Variants in CEP135 observed in about 807,000 individuals in gnomAD.
CEP135 encodes centrosomal protein of 135 kDa.
A neutral mutation model predicts 157.3 loss-of-function variants in CEP135; 142 were observed. The ratio of observed to expected loss-of-function variants is 0.90; its 90% confidence interval spans 0.79 to 1.04. The LOEUF is 1.04. CEP135 is among the 50% of genes least tolerant of loss of function. CEP135 has a pLI of 0.00. For missense variants in CEP135, 1,317 were observed against 1,309.2 expected (o/e 1.01, Z -0.09); for synonymous variants, 396 against 439.8 (o/e 0.90, Z 1.25).
chr4:56,000,925 A>G (rs1730146358), intron 17 of CEP135, among the ~76,000 whole-genome samples: 1 of 152,112 alleles, frequency 6.6e-6, no homozygotes, highest in South Asian at 2.1e-4. Flanking sequence ...GTTATTCCCC[A>G]TCTTTTTGAT....
intron 25 of CEP135, among the ~76,000 whole-genome samples, chr4:56,028,906 C>T (rs1474450304): frequency 1.3e-5 from 2 of 152,090 alleles, no homozygotes; most frequent in African/African-American, 2.4e-5. Flanking sequence ...GATCAAGAGC[C>T]CAATCCCACA....
intron 9 of CEP135, among the ~76,000 whole-genome samples, chr4:55,969,356 G>A (rs1455014509): frequency 2.0e-5 from 3 of 150,936 alleles, no homozygotes; most frequent in African/African-American, 7.3e-5. Context: ...GAACCTGGGA[G>A]GCAGAGGTTG....
intron 6 of CEP135, chr4:55,960,839 T>C (rs1728654747): frequency 7.2e-6 from 1 of 138,078 alleles, no homozygotes; most frequent in African/African-American, 2.7e-5. Flanking sequence ...GGCAGGAGAA[T>C]GGCGTGAACC....
chr4:55,952,978 T>A, intron 2 of CEP135, 107 bp from the exon 3 acceptor site: 1 of 948,200 alleles, frequency 1.1e-6, no homozygotes, highest in Non-Finnish European at 1.5e-6. Context: ...GACCAAAATG[T>A]CATCATGTGG....
chr4:55,965,979 T>G (rs1728832234), intron 8 of CEP135, 120 bp downstream of exon 8: 2 of 803,368 alleles, frequency 2.5e-6, no homozygotes. Flanking sequence ...TCTGTTTTTG[T>G]TTTTTTGCTT....
At chr4:55,983,524 T>A (rs1224002477) in intron 13 of CEP135, among the ~76,000 whole-genome samples, 2 of 152,186 alleles carry the variant, frequency 1.3e-5, no homozygotes, top group Non-Finnish European at 1.5e-5. Context: ...ATCAGTGCTA[T>A]CTCTTGAAAA....
At chr4:55,999,244 A>T in intron 15 of CEP135, 58 bp from the exon 16 acceptor site, 1 of 1,296,320 alleles carries the variant, frequency 7.7e-7, no homozygotes, top group Non-Finnish European at 1.1e-6. Context: ...CTCATTTTTT[A>T]AACGTATTTC....
chr4:56,027,141 G>A (rs949401362), intron 25 of CEP135, among the ~76,000 whole-genome samples: 2 of 152,130 alleles, frequency 1.3e-5, no homozygotes, highest in African/African-American at 4.8e-5. Flanking sequence ...TGTAGTCACT[G>A]TGTCCTTCTT....
At position 55,952,231 on chromosome 4, in the gene CEP135, A is replaced by G; in HGVS notation, c.101A>G (p.Glu34Gly). The change falls in exon 2 of 26, where the codon GAA becomes GGA. Residue 34 changes from glutamate to glycine, a missense_variant. Physicochemically the swap from Glu to Gly is moderately conservative, Grantham distance 98. Transcript: ENST00000257287. ...ACAGTGGAGTGTTTACCTTTGGTAGAAAAACTTTTCAGGTAAAGACAAAAA... is the reference window on the plus strand; with the variant it reads ...ACAGTGGAGTGTTTACCTTTGGTAGGAAAACTTTTCAGGTAAAGACAAAAA... ...TLTVECLPLV[E>G]KLFSDLVHTT... 1 of 1,607,978 alleles carries G rather than the reference A, an allele frequency of 6.2e-7. No individual in the cohort carries two copies. The highest frequency in any genetic ancestry group is 1.1e-5 in the South Asian group (1 of 90,868).
chr4:55,964,133 A>G, intron 6 of CEP135, 141 bp from the exon 7 acceptor site: 1 of 679,274 alleles, frequency 1.5e-6, no homozygotes, highest in East Asian at 2.9e-5. Flanking sequence ...TTATGCATAT[A>G]ATATATGGAC....
intron 6 of CEP135, 166 bp downstream of exon 6, chr4:55,959,932 T>C: frequency 1.5e-6 from 1 of 654,548 alleles, no homozygotes. Context: ...TTAGGTGGCT[T>C]TACTTACTTA....
intron 24 of CEP135, 132 bp from the exon 25 acceptor site, chr4:56,024,369 C>A: frequency 1.8e-6 from 1 of 558,412 alleles, no homozygotes. Flanking sequence ...TGTACAAAGA[C>A]ATAGGATTTA....
intron 2 of CEP135, 56 bp from the exon 3 acceptor site, chr4:55,953,029 A>C: frequency 7.3e-7 from 1 of 1,363,268 alleles, no homozygotes; most frequent in Non-Finnish European, 9.8e-7. Flanking sequence ...ATATGTTTTT[A>C]GTTATTAGAA....
At position 55,999,491 on chromosome 4, in the gene CEP135, A is replaced by G; in HGVS notation, c.2126A>G (p.Asp709Gly). The G allele has an allele frequency of 3.1e-6, 5 of 1,612,416 alleles. No individual in the cohort carries two copies. Among genetic ancestry groups the G allele is most frequent in the Admixed American group, 1.7e-5 (1 of 59,552 alleles). Residue 709 changes from aspartate to glycine, a missense_variant and splice_region_variant, in exon 17 of 26, where the codon GAT becomes GGT. Physicochemically the swap from Asp to Gly is moderately conservative, Grantham distance 94. Coordinates refer to ENST00000257287, the MANE Select transcript of CEP135 (RefSeq NM_025009.5). Reference sequence around the variant, plus strand: ...AACAAACATTTCTTTTCATTTGTAGATGAACTAAACCTTAAGATGACTTCA... The same window carrying G: ...AACAAACATTTCTTTTCATTTGTAGGTGAACTAAACCTTAAGATGACTTCA... ...AQIKILEEKI[D>G]ELNLKMTSQD... is the part of the protein sequence containing the mutation.
intron 17 of CEP135, among the ~76,000 whole-genome samples, 191 bp downstream of exon 17, chr4:55,999,836 A>G (rs1016880804): frequency 7.2e-5 from 11 of 152,152 alleles, no homozygotes; most frequent in African/African-American, 2.4e-4. Flanking sequence ...GGCATGAGCC[A>G]CTACTCCTAG....
At chr4:55,957,077 A>T (rs909950914) in intron 4 of CEP135, 146 bp from the exon 5 acceptor site, 8 of 788,202 alleles carry the variant, frequency 1.0e-5, no homozygotes, top group Non-Finnish European at 1.6e-5. Context: ...CAGGGTGGAT[A>T]TTTATATATT....
chr4:55,973,708 A>G (rs1729099815), intron 10 of CEP135, among the ~76,000 whole-genome samples: 1 of 151,716 alleles, frequency 6.6e-6, no homozygotes, highest in African/African-American at 2.4e-5. Context: ...CTATGCAGCC[A>G]CTCGTTTCTT....
In CEP135 at chr4:56,032,298, A is replaced by T. The variant is rs910350885; in HGVS notation, c.*950A>T. 3.3e-5 allele frequency: 5 copies of T among 152,116 alleles called. No homozygotes were observed. The highest frequency in any genetic ancestry group is 5.9e-5 in the Non-Finnish European group (4 of 68,050). The allele number at this position is 152,116 out of a possible 1,614,324, so 9.4% of individuals were successfully genotyped here. ...CATCTCTACTAAAAATACAAAAATT[A>T]TCTGGGCTTGGTGGCGGGCACCTGT... On this transcript the variant is annotated 3_prime_UTR_variant, in exon 26 of 26. Coordinates refer to ENST00000257287, the MANE Select transcript of CEP135 (RefSeq NM_025009.5).
intron 8 of CEP135, 193 bp downstream of exon 8, chr4:55,966,052 T>TAAAC: frequency 1.9e-6 from 1 of 540,162 alleles, no homozygotes; most frequent in South Asian, 2.3e-5. Flanking sequence ...TTGTTTTAGT[T>TAAAC]GTTTGAGTGT....
Sources: allele counts gnomAD v4.1 joint callset (sites outside exome capture counted in the v4.1 genomes callset), GRCh38; gene constraint gnomAD v4.1.1; transcripts MANE v1.5; gene names NCBI Gene and HGNC (gene_info 2026-07-23, HGNC 2026-07-21).